KIF5B: variants seen among roughly 807,000 people sequenced by gnomAD.
The protein encoded by KIF5B is kinesin-1 heavy chain.
In KIF5B, 49 loss-of-function variants were observed where a neutral mutation model predicts 132.8. That is an observed-to-expected ratio of 0.37 (90% CI 0.29 to 0.47). KIF5B has a LOEUF of 0.47. Ranked by LOEUF, KIF5B falls within the 20% of genes least tolerant of loss-of-function variation. The pLI, the probability that KIF5B is intolerant of heterozygous loss-of-function variation, is 1.00. For synonymous variants in KIF5B, 355 were observed against 369.4 expected, an observed-to-expected ratio of 0.96 and a Z score of 0.45; for missense variants, 780 against 1,144.0, an observed-to-expected ratio of 0.68 and a Z score of 4.59.
intron 1 of KIF5B, among the ~76,000 whole-genome samples, chr10:32,054,527 A>C (rs1436634518): frequency 1.3e-5 from 2 of 152,224 alleles, no homozygotes; most frequent in Non-Finnish European, 2.9e-5. Context: ...AAAGAACTTT[A>C]GTCTGTCTTC....
intron 2 of KIF5B, among the ~76,000 whole-genome samples, chr10:32,047,142 A>G (rs1370925002): frequency 1.3e-5 from 2 of 152,190 alleles, no homozygotes; most frequent in Admixed American, 6.5e-5. Context: ...GCACCATCGT[A>G]AAGTCGAACA....
At chr10:32,036,420 TGTG>T (rs1275557601) in intron 8 of KIF5B, among the ~76,000 whole-genome samples, 2 of 152,006 alleles carry the variant, frequency 1.3e-5, no homozygotes, top group Non-Finnish European at 2.9e-5. Flanking sequence ...ATATCTATGT[TGTG>T]GTGTTTTTTT....
intron 15 of KIF5B, among the ~76,000 whole-genome samples, chr10:32,026,205 T>G (rs1202079824): frequency 6.6e-6 from 1 of 151,652 alleles, no homozygotes; most frequent in Non-Finnish European, 1.5e-5. Flanking sequence ...GAGGCCGAGG[T>G]GGGCAGATAA....
intron 15 of KIF5B, among the ~76,000 whole-genome samples, chr10:32,026,437 CA>C (rs71027049): frequency 0.057 from 2,760 of 48,528 alleles, 40 homozygotes; most frequent in African/African-American, 0.2. Flanking sequence ...GATTCCGTCT[CA>C]AAAAAAAAAA....
At chr10:32,046,666 C>T (rs1356086082) in intron 2 of KIF5B, among the ~76,000 whole-genome samples, 2 of 152,144 alleles carry the variant, frequency 1.3e-5, no homozygotes, top group African/African-American at 4.8e-5. Context: ...AATCCTCCCA[C>T]CTCAGCCTCC....
chr10:32,056,037 C>G lies in KIF5B; in HGVS notation c.-64G>C, dbSNP rs1841758862. On this transcript the variant is annotated 5_prime_UTR_variant, in exon 1 of 26. Coordinates refer to ENST00000302418, the MANE Select transcript of KIF5B (RefSeq NM_004521.3). ...CCGCCGCTCAGTCTTGCAGGGAACG[C>G]GCCGGACCTGAGGGCTTGTGGTCGC... 1 of 1,583,776 alleles carries G rather than the reference C, an allele frequency of 6.3e-7. No homozygotes were observed. Among genetic ancestry groups the G allele is most frequent in the Non-Finnish European group, 8.5e-7 (1 of 1,171,270 alleles).
intron 1 of KIF5B, among the ~76,000 whole-genome samples, chr10:32,049,263 T>C (rs762698002): frequency 6.6e-5 from 10 of 152,122 alleles, no homozygotes; most frequent in Non-Finnish European, 1.5e-4. Flanking sequence ...CATTAAAAAA[T>C]TAAGTGACCA....
At chr10:32,044,938 G>A (rs1841590265) in intron 2 of KIF5B, among the ~76,000 whole-genome samples, 1 of 152,172 alleles carries the variant, frequency 6.6e-6, no homozygotes. Context: ...AAACAGTAAA[G>A]CAGGATGAAG....
chr10:32,024,547 T>C (rs1428995449), intron 15 of KIF5B, among the ~76,000 whole-genome samples: 2 of 151,382 alleles, frequency 1.3e-5, no homozygotes, highest in East Asian at 2.0e-4. Context: ...GCAGATCACC[T>C]GAGGTCAGGA....
intron 24 of KIF5B, among the ~76,000 whole-genome samples, chr10:32,016,449 T>A (rs1237624700): frequency 6.6e-6 from 1 of 151,624 alleles, no homozygotes; most frequent in Non-Finnish European, 1.5e-5. Flanking sequence ...AGAGTGAAAC[T>A]CCATCTCAAA....
At chr10:32,031,330 AAACAC>A in intron 13 of KIF5B, 51 bp from the exon 14 acceptor site, 1 of 1,402,106 alleles carries the variant, frequency 7.1e-7, no homozygotes, top group East Asian at 2.3e-5. Context: ...AGGTTTTAAA[AAACAC>A]CCATGAAGCT....
chr10:32,022,370 C>A, intron 16 of KIF5B, 113 bp from the exon 17 acceptor site: 3 of 608,570 alleles, frequency 4.9e-6, no homozygotes, highest in Non-Finnish European at 2.9e-6. Context: ...ATATTTAAAA[C>A]TAAAATATTC....
chr10:32,013,543 C>T (rs532894237), intron 25 of KIF5B, among the ~76,000 whole-genome samples: 48 of 152,182 alleles, frequency 3.2e-4, no homozygotes, highest in Non-Finnish European at 5.0e-4. Context: ...TAAAACTAAA[C>T]GCAAACAGCA....
chr10:32,052,912 A>C (rs928130095), intron 1 of KIF5B, among the ~76,000 whole-genome samples: 2 of 152,242 alleles, frequency 1.3e-5, no homozygotes, highest in African/African-American at 4.8e-5. Flanking sequence ...CACTGATTAC[A>C]TGAGTAGCAG....
At chr10:32,015,218 T>A (rs1841142585) in intron 25 of KIF5B, among the ~76,000 whole-genome samples, 1 of 152,140 alleles carries the variant, frequency 6.6e-6, no homozygotes, top group Non-Finnish European at 1.5e-5. Flanking sequence ...TTAATATAAT[T>A]ACATGTCTAG....
At chr10:32,052,375 C>T (rs1841704625) in intron 1 of KIF5B, among the ~76,000 whole-genome samples, 1 of 152,158 alleles carries the variant, frequency 6.6e-6, no homozygotes, top group Non-Finnish European at 1.5e-5. Flanking sequence ...ACTTGAAAAG[C>T]GAGAATGTTG....
chr10:32,023,102 G>C, intron 15 of KIF5B, 66 bp from the exon 16 acceptor site: 1 of 802,868 alleles, frequency 1.2e-6, no homozygotes, highest in Non-Finnish European at 1.8e-6. Flanking sequence ...TCCCAATTAG[G>C]CTATAAAATC....
At chr10:32,025,745 G>A (rs909103898) in intron 15 of KIF5B, among the ~76,000 whole-genome samples, 5 of 152,072 alleles carry the variant, frequency 3.3e-5, no homozygotes, top group African/African-American at 1.2e-4. Context: ...ATAGGTGAAT[G>A]GATAAACAAA....
chr10:32,038,370 C>G (rs1226822383), intron 5 of KIF5B, 152 bp from the exon 6 acceptor site: 7 of 616,798 alleles, frequency 1.1e-5, no homozygotes, highest in Admixed American at 8.8e-5. Flanking sequence ...CTTACAGACA[C>G]AGCAGGAGAT....
Sources: gnomAD v4.1 joint callset for allele counts (sites outside exome capture counted in the v4.1 genomes callset) on GRCh38, gnomAD v4.1.1 for gene constraint, MANE v1.5 for transcripts, NCBI Gene and HGNC (gene_info 2026-07-23, HGNC 2026-07-21) for gene names.